The following IGSF9B variants were observed in gnomAD, a reference collection of about 807,000 sequenced individuals.
IGSF9B encodes the protein protein turtle homolog B.
Under a neutral mutation model 143.7 loss-of-function variants are expected in IGSF9B, and 48 were observed. That is an observed-to-expected ratio of 0.33 (90% CI 0.26 to 0.42). IGSF9B has a LOEUF of 0.42. Ranked by LOEUF, IGSF9B falls within the 20% of genes least tolerant of loss-of-function variation. The pLI, the probability that IGSF9B is intolerant of heterozygous loss-of-function variation, is 1.00. For synonymous variants in IGSF9B, 903 were observed against 833.1 expected (o/e 1.08, Z -1.44); for missense variants, 1,706 against 1,980.0 (o/e 0.86, Z 2.63).
Position 133,930,890 on chromosome 11 carries a change from G to T in IGSF9B, c.1519+94C>A. The T allele has an allele frequency of 2.3e-6, 3 of 1,289,306 alleles. No individual in the cohort carries two copies. In the South Asian group the frequency reaches 4.4e-5, roughly 19 times the overall value. 79.9% of individuals were successfully genotyped at this position (1,289,306 alleles called of 1,614,324 possible). On this transcript the variant is annotated intron_variant, in intron 11 of 19. Transcript: ENST00000533871. The stretch of plus-strand genomic sequence containing the variant: ...TTAGGAAGGGAGCCCGCAGAGTGCA[G>T]CGGCCACCAGGGGACGCTCCCAGCG...
At chr11:133,919,246 C>T (rs1244086054) in intron 18 of IGSF9B, 1 of 351,130 alleles carries the variant, frequency 2.8e-6, no homozygotes, top group Non-Finnish European at 5.6e-6. Flanking sequence ...GCCAGGAGTT[C>T]GGGAACAGGA....
intron 12 of IGSF9B, among the ~76,000 whole-genome samples, chr11:133,929,015 C>G (rs1939677105): frequency 6.6e-6 from 1 of 152,112 alleles, no homozygotes; most frequent in Non-Finnish European, 1.5e-5. Flanking sequence ...TGAACACGTA[C>G]AAATCATAGT....
rs533790654 is a variant in IGSF9B at position 133,916,802 on chromosome 11, G to A, written c.3983+2940C>T. ...GCTAGTCTAGGGCTCCCACACCTCC[G>A]GGGGCTGTGGAGGAGTCACAGCTGG... On this transcript the variant is annotated intron_variant, in intron 18 of 19. Coordinates refer to ENST00000533871, the MANE Select transcript of IGSF9B (RefSeq NM_001277285.4). Among the ~76,000 whole-genome samples the A allele has an allele frequency of 1.8e-4, 28 of 152,246 alleles. No homozygotes were observed. In the South Asian group the frequency reaches 1.9e-3, roughly 10 times the overall value.
In IGSF9B at chr11:133,908,041, A is replaced by C. The variant is rs780827958; in HGVS notation, c.*1028T>G. Among the ~76,000 whole-genome samples the C allele has an allele frequency of 3.3e-5, 5 of 152,210 alleles. No individual in the cohort carries two copies. Among genetic ancestry groups the C allele is most frequent in the Non-Finnish European group, 5.9e-5 (4 of 68,038 alleles). On this transcript the variant is annotated 3_prime_UTR_variant, in exon 20 of 20. Coordinates refer to ENST00000533871, the MANE Select transcript of IGSF9B (RefSeq NM_001277285.4). ...CACTGCACAGAGTGCTGAGCCGGGG[A>C]CGGTATAAATAGAGCCGGCAGCTTG...
At chr11:133,915,266 CTCTTTTTTTTTTTT>C (rs1430678739) in intron 18 of IGSF9B, among the ~76,000 whole-genome samples, 1 of 75,152 alleles carries the variant, frequency 1.3e-5, no homozygotes, top group Non-Finnish European at 2.8e-5. Context: ...TTCTCTCTCT[CTCTTTTTTTTTTTT>C]TTTTTTTTTT....
At position 133,930,977 on chromosome 11, in the gene IGSF9B, C is replaced by G; in HGVS notation, c.1519+7G>C. ...CGCCGCCCGGCCCAGCCTTGCCGGC[C>G]ACGTACCGATGACGGTGAGGTGGGT... is the stretch of plus-strand genomic sequence containing the variant. On this transcript the variant is annotated splice_region_variant and intron_variant, in intron 11 of 19. Coordinates refer to ENST00000533871, the MANE Select transcript of IGSF9B (RefSeq NM_001277285.4). 6.2e-7 allele frequency: 1 copy of G among 1,606,506 alleles called. No homozygotes were observed. Among genetic ancestry groups the G allele is most frequent in the African/African-American group, 1.3e-5 (1 of 74,964 alleles).
chr11:133,924,319 G>C (rs2121298016), intron 15 of IGSF9B, among the ~76,000 whole-genome samples: 1 of 152,338 alleles, frequency 6.6e-6, no homozygotes, highest in Middle Eastern at 3.4e-3. Flanking sequence ...TGGAGAAAAT[G>C]CTAGGGAATT....
chr11:133,909,197 T>C lies in IGSF9B; in HGVS notation c.4186A>G (p.Lys1396Glu). Residue 1396 changes from lysine (K) to glutamate (E), a missense_variant, in exon 20 of 20, where the codon AAG becomes GAG. Lys to Glu is a moderately conservative substitution (Grantham distance 56). Coordinates refer to ENST00000533871, the MANE Select transcript of IGSF9B (RefSeq NM_001277285.4). The surrounding 1 kb of genome is among the most constrained non-coding windows in gnomAD (Gnocchi z 4.2). ...AAGGGGTCAGGACGAGAATGTCTCT[T>C]CTTCTTTCGGAGGCAGACAGCTTCA... is the stretch of plus-strand genomic sequence containing the variant. ...PDEAVCLRKK[K>E]RHSRPDPFAR... 1 of 1,535,864 alleles carries C rather than the reference T, an allele frequency of 6.5e-7. No individual in the cohort carries two copies. Among genetic ancestry groups the C allele is most frequent in the Non-Finnish European group, 8.7e-7 (1 of 1,146,728 alleles).
intron 1 of IGSF9B, among the ~76,000 whole-genome samples, chr11:133,950,889 CTCCTCT>C (rs1940146244): frequency 6.6e-6 from 1 of 152,126 alleles, no homozygotes; most frequent in Non-Finnish European, 1.5e-5. Flanking sequence ...CCTCCTCCTC[CTCCTCT>C]GGGCACCAGA....
Position 133,945,093 on chromosome 11 carries a change from C to T in IGSF9B, c.263-727G>A, listed in dbSNP as rs1439919343. On this transcript the variant is annotated intron_variant, in intron 2 of 19. Coordinates refer to ENST00000533871, the MANE Select transcript of IGSF9B (RefSeq NM_001277285.4). The surrounding 1 kb of genome is among the most constrained non-coding windows in gnomAD (Gnocchi z 4.6). ...CCAGTAGGATGCCATCTGTGTCTCA[C>T]ATGTGGCAATGAGGAGGCCAGAGGT... 6.6e-6 allele frequency among the ~76,000 whole-genome samples: 1 copy of T among 152,192 alleles called. No individual in the cohort carries two copies. The highest frequency in any genetic ancestry group is 1.5e-5 in the Non-Finnish European group (1 of 68,028).
Position 133,920,755 on chromosome 11 carries a change from GC to G in IGSF9B, c.2969del (p.Ser990ThrfsTer3). 6.2e-7 allele frequency: 1 copy of G among 1,612,676 alleles called. No homozygotes were observed. Among genetic ancestry groups the G allele is most frequent in the Non-Finnish European group, 8.5e-7 (1 of 1,179,474 alleles). On this transcript the variant is annotated frameshift_variant, in exon 18 of 20. Transcript: ENST00000533871. LOFTEE classifies it high-confidence loss of function. ...PPPFYVPEVG[S>X]PLSSVMSSPP... Reference sequence around the variant, plus strand: ...GGGACGACATGACGGAGCTCAGGGGGCTGCCCACTTCTGGCACGTAGAACGG... The same window carrying G: ...GGGACGACATGACGGAGCTCAGGGGGTGCCCACTTCTGGCACGTAGAACGG...
In IGSF9B at chr11:133,929,591, C is replaced by G. The variant is rs1340016615; in HGVS notation, c.1631+80G>C. 7.5e-6 allele frequency: 8 copies of G among 1,061,428 alleles called. No homozygotes were observed. The African/African-American group carries it at 9.3e-5, about 12-fold the overall frequency. The allele number at this position is 1,061,428 out of a possible 1,614,324, so 65.8% of individuals were successfully genotyped here. Reference sequence around the variant, plus strand: ...TGCAGCCTCCTCCTACCTCCCCCCACCCGGGGTAGCCTGCAGGAAGACCGG... The same window carrying G: ...TGCAGCCTCCTCCTACCTCCCCCCAGCCGGGGTAGCCTGCAGGAAGACCGG... On this transcript the variant is annotated intron_variant, in intron 12 of 19. Transcript: ENST00000533871.
In IGSF9B at chr11:133,931,195, C is replaced by T. The variant is rs1055066756; in HGVS notation, c.1369-61G>A. The T allele has an allele frequency of 6.3e-5, 96 of 1,533,494 alleles. No individual in the cohort carries two copies. Among genetic ancestry groups the T allele is most frequent in the African/African-American group, 2.3e-4 (17 of 72,894 alleles). The allele number at this position is 1,533,494 out of a possible 1,614,324, so 95.0% of individuals were successfully genotyped here. ...AGAAATGGGGGTTAGGAGAGAAGCC[C>T]GAAGCAGATGGGGAGGACGCGCCTG... On this transcript the variant is annotated intron_variant, in intron 10 of 19. Coordinates refer to ENST00000533871, the MANE Select transcript of IGSF9B (RefSeq NM_001277285.4). This position sits in a 1 kb window ranked among gnomAD's most constrained non-coding sequence, Gnocchi z 7.7.
In IGSF9B at chr11:133,931,177, G is replaced by C; in HGVS notation, c.1369-43C>G. The C allele has an allele frequency of 6.3e-7, 1 of 1,577,354 alleles. No homozygotes were observed. The highest frequency in any genetic ancestry group is 8.6e-7 in the Non-Finnish European group (1 of 1,157,052). On this transcript the variant is annotated intron_variant, in intron 10 of 19. Coordinates refer to ENST00000533871, the MANE Select transcript of IGSF9B (RefSeq NM_001277285.4). The surrounding 1 kb of genome is among the most constrained non-coding windows in gnomAD (Gnocchi z 7.7). ...AGGGAAGAGGGTGGGAACAGAAATG[G>C]GGGTTAGGAGAGAAGCCCGAAGCAG... is the stretch of plus-strand genomic sequence containing the variant.
rs112387763 is a variant in IGSF9B at position 133,906,344 on chromosome 11, G to C, written c.*2725C>G. 5.6e-3 allele frequency among the ~76,000 whole-genome samples: 860 copies of C among 152,308 alleles called. 4 individuals carry two copies. The highest frequency in any genetic ancestry group is 9.8e-3 in the Non-Finnish European group (666 of 68,028). Reference sequence around the variant, plus strand: ...TTCCACCAATCCCATCGCCGTCCACGGGCTGCAGGAGGGCTGCTGGCCTCC... The same window carrying C: ...TTCCACCAATCCCATCGCCGTCCACCGGCTGCAGGAGGGCTGCTGGCCTCC... On this transcript the variant is annotated 3_prime_UTR_variant, in exon 20 of 20. Transcript: ENST00000533871.
chr11:133,931,419 TC>T lies in IGSF9B; in HGVS notation c.1368+33del. The T allele has an allele frequency of 6.7e-7, 1 of 1,494,128 alleles. No individual in the cohort carries two copies. Among genetic ancestry groups the T allele is most frequent in the East Asian group, 2.3e-5 (1 of 44,012 alleles). The allele number at this position is 1,494,128 out of a possible 1,614,324, so 92.6% of individuals were successfully genotyped here. A position where few individuals can be genotyped will look rare whatever the true frequency, so the allele number is the denominator to read the frequency against. The stretch of plus-strand genomic sequence containing the variant: ...CCAGGGCTCCCTGGGCCCTCACACC[TC>T]CCTGCAGACCCAGGGCTCCAGGGCC... On this transcript the variant is annotated intron_variant, in intron 10 of 19. Coordinates refer to ENST00000533871, the MANE Select transcript of IGSF9B (RefSeq NM_001277285.4). The surrounding 1 kb of genome is among the most constrained non-coding windows in gnomAD (Gnocchi z 7.7).
rs190694506 is a variant in IGSF9B, at chr11:133,954,920, C to T, written c.64+1771G>A. Among the ~76,000 whole-genome samples, 7 of 152,336 alleles carry T rather than the reference C, an allele frequency of 4.6e-5. No homozygotes were observed. In the East Asian group the frequency reaches 1.3e-3, roughly 29 times the overall value. On this transcript the variant is annotated intron_variant, in intron 1 of 19. Coordinates refer to ENST00000533871, the MANE Select transcript of IGSF9B (RefSeq NM_001277285.4). Reference sequence around the variant, plus strand: ...AGGCAGCCTTCAATTTTGGGAAGCCCTTCCTTCTATCTTGCGATTCTGCGT... The same window carrying T: ...AGGCAGCCTTCAATTTTGGGAAGCCTTTCCTTCTATCTTGCGATTCTGCGT...
At chr11:133,938,113 A>G (rs1591721042) in intron 3 of IGSF9B, 152 bp from the exon 4 acceptor site, 2 of 796,308 alleles carry the variant, frequency 2.5e-6, no homozygotes, top group Non-Finnish European at 3.9e-6. Context: ...CTTTCTGCCT[A>G]CCAACATCAC....
chr11:133,908,402 A>G lies in IGSF9B; in HGVS notation c.*667T>C, dbSNP rs1292182416. Among the ~76,000 whole-genome samples the G allele has an allele frequency of 2.6e-5, 4 of 152,118 alleles. No individual in the cohort carries two copies. Among genetic ancestry groups the G allele is most frequent in the Admixed American group, 2.6e-4 (4 of 15,280 alleles). On this transcript the variant is annotated 3_prime_UTR_variant, in exon 20 of 20. Transcript: ENST00000533871. ...CTGGGTGGGAGAAGGTAGGAGACAC[A>G]CGGAGAATTCAGCTGAGAGACACGG... is the stretch of plus-strand genomic sequence containing the variant.
Sources: gnomAD v4.1 joint callset for allele counts (sites outside exome capture counted in the v4.1 genomes callset) on GRCh38, gnomAD v4.1.1 for gene constraint, Gnocchi (gnomAD v3.1) non-coding constraint, MANE v1.5 for transcripts, NCBI Gene and HGNC (gene_info 2026-07-23, HGNC 2026-07-21) for gene names.